Variants in PCDH17 observed in about 807,000 individuals in gnomAD.
The protein encoded by PCDH17 is protocadherin 17.
PCDH17 carries 21 observed loss-of-function variants against 67.7 expected under a neutral mutation model. The observed-to-expected ratio is 0.31, with a 90% CI of 0.22 to 0.45. The LOEUF (loss-of-function observed/expected upper bound fraction) is 0.45, where lower values mean the gene tolerates loss of function less well. Ranked by LOEUF, PCDH17 falls within the 20% of genes least tolerant of loss-of-function variation. The pLI is 1.00. For missense variants in PCDH17, 1,471 were observed against 1,564.8 expected (o/e 0.94, Z 1.01); for synonymous variants, 701 against 656.7 (o/e 1.07, Z -1.03).
intron 3 of PCDH17, among the ~76,000 whole-genome samples, chr13:57,706,136 A>G (rs548205574): frequency 2.6e-4 from 39 of 152,268 alleles, no homozygotes; most frequent in East Asian, 1.9e-4. Context: ...AAAAGCAAAA[A>G]TAGTGATTAA....
At chr13:57,653,756 A>G (rs1400331134) in intron 1 of PCDH17, among the ~76,000 whole-genome samples, 1 of 152,106 alleles carries the variant, frequency 6.6e-6, no homozygotes, top group African/African-American at 2.4e-5. Context: ...GCTGGAAAGA[A>G]CCGGTATTTA....
At chr13:57,693,002 G>T (rs1955572981) in intron 3 of PCDH17, among the ~76,000 whole-genome samples, 1 of 150,388 alleles carries the variant, frequency 6.6e-6, no homozygotes, top group Non-Finnish European at 1.5e-5. Context: ...TTCAATTAAA[G>T]AAATAGAGAC....
chr13:57,717,954 A>T (rs935585345), intron 3 of PCDH17, among the ~76,000 whole-genome samples: 16 of 152,002 alleles, frequency 1.1e-4, no homozygotes, highest in African/African-American at 3.6e-4. Context: ...TTTCCTCATT[A>T]TATCACTGCC....
intron 3 of PCDH17, among the ~76,000 whole-genome samples, chr13:57,720,315 CAGTT>C (rs1220459061): frequency 6.6e-6 from 1 of 151,880 alleles, no homozygotes; most frequent in African/African-American, 2.4e-5. Context: ...AAATCAGAGA[CAGTT>C]AAAGTGTTGA....
At chr13:57,706,487 A>G (rs960124685) in intron 3 of PCDH17, among the ~76,000 whole-genome samples, 6 of 152,130 alleles carry the variant, frequency 3.9e-5, no homozygotes, top group Non-Finnish European at 8.8e-5. Context: ...TAGGGCTGCT[A>G]TAACAAAGTA....
At chr13:57,716,526 G>T (rs546803191) in intron 3 of PCDH17, among the ~76,000 whole-genome samples, 1 of 151,876 alleles carries the variant, frequency 6.6e-6, no homozygotes, top group African/African-American at 2.4e-5. Context: ...TTGAAACCCT[G>T]ATCAGCCTTT....
chr13:57,710,611 C>T (rs372337182), intron 3 of PCDH17, among the ~76,000 whole-genome samples: 10 of 151,858 alleles, frequency 6.6e-5, no homozygotes, highest in East Asian at 1.9e-4. Context: ...TACCATTCTA[C>T]GTCTGGATAT....
intron 3 of PCDH17, among the ~76,000 whole-genome samples, chr13:57,691,545 A>T (rs534414302): frequency 2.0e-5 from 3 of 151,388 alleles, no homozygotes; most frequent in East Asian, 1.9e-4. Flanking sequence ...TTTTGTGATT[A>T]TTTTTTAATG....
chr13:57,685,305 T>C (rs914611411), intron 3 of PCDH17, among the ~76,000 whole-genome samples: 4 of 151,996 alleles, frequency 2.6e-5, no homozygotes, highest in African/African-American at 7.2e-5. Flanking sequence ...AAAATCTATA[T>C]AGCAATAATA....
intron 3 of PCDH17, among the ~76,000 whole-genome samples, chr13:57,669,510 A>T (rs1430965540): frequency 6.6e-6 from 1 of 151,512 alleles, no homozygotes; most frequent in Non-Finnish European, 1.5e-5. Flanking sequence ...CAACTATTTT[A>T]TCTATCTGTC....
At chr13:57,641,008 G>A (rs9527675) in intron 1 of PCDH17, among the ~76,000 whole-genome samples, 91,449 of 151,744 alleles carry the variant, frequency 0.6, 28,272 homozygotes, top group South Asian at 0.75. Flanking sequence ...CCATTAGGGA[G>A]GGATTTTTTG....
chr13:57,641,579 AAAAAAAAAATATAT>A (rs1954900652), intron 1 of PCDH17, among the ~76,000 whole-genome samples: 1 of 77,738 alleles, frequency 1.3e-5, no homozygotes, highest in East Asian at 4.5e-4. Context: ...AAAAAAAAAA[AAAAAAAAAATATAT>A]ATATATATAT....
intron 1 of PCDH17, among the ~76,000 whole-genome samples, chr13:57,636,487 A>G (rs182636495): frequency 1.8e-4 from 27 of 152,264 alleles, no homozygotes; most frequent in African/African-American, 5.8e-4. Context: ...ATATTTTCCT[A>G]TAATAGTATA....
intron 3 of PCDH17, among the ~76,000 whole-genome samples, chr13:57,693,408 A>C (rs1327075831): frequency 6.9e-6 from 1 of 145,538 alleles, no homozygotes; most frequent in Admixed American, 7.0e-5. Context: ...ATTCTGATTC[A>C]TTTAAAAATT....
chr13:57,683,274 T>G (rs1955473071), intron 3 of PCDH17, among the ~76,000 whole-genome samples: 1 of 151,900 alleles, frequency 6.6e-6, no homozygotes, highest in Non-Finnish European at 1.5e-5. Context: ...TGATCATGTT[T>G]TTCAGTATTA....
At chr13:57,643,751 G>A (rs989261744) in intron 1 of PCDH17, among the ~76,000 whole-genome samples, 1 of 151,594 alleles carries the variant, frequency 6.6e-6, no homozygotes, top group African/African-American at 2.4e-5. Flanking sequence ...ATTGTTTCAC[G>A]GCAAGACACT....
At chr13:57,698,371 T>C (rs1298665304) in intron 3 of PCDH17, among the ~76,000 whole-genome samples, 1 of 151,822 alleles carries the variant, frequency 6.6e-6, no homozygotes, top group African/African-American at 2.4e-5. Flanking sequence ...CCTGTTGGCC[T>C]TATAGGAAAA....
At chr13:57,702,730 G>A (rs1955679118) in intron 3 of PCDH17, among the ~76,000 whole-genome samples, 1 of 152,166 alleles carries the variant, frequency 6.6e-6, no homozygotes, top group African/African-American at 2.4e-5. Flanking sequence ...ACACGCAACT[G>A]CATGTGGCAA....
chr13:57,671,123 C>A (rs550447932), intron 3 of PCDH17, among the ~76,000 whole-genome samples: 1 of 151,706 alleles, frequency 6.6e-6, no homozygotes, highest in Non-Finnish European at 1.5e-5. Context: ...TTCTCCATAC[C>A]CCCCTTTCAT....
Sources: allele counts gnomAD v4.1 joint callset (sites outside exome capture counted in the v4.1 genomes callset), GRCh38; gene constraint gnomAD v4.1.1; transcripts MANE v1.5; gene names NCBI Gene and HGNC (gene_info 2026-07-23, HGNC 2026-07-21).